Variants in CD44 observed in about 807,000 individuals in gnomAD.
CD44 encodes CD44 molecule (IN blood group).
A neutral mutation model predicts 88.8 loss-of-function variants in CD44; 49 were observed. That is an observed-to-expected ratio of 0.55 (90% CI 0.44 to 0.70). The LOEUF is 0.70. Among genes scored for constraint, CD44 ranks in the 30% least tolerant of loss-of-function variants. CD44 has a pLI of 0.00. For missense variants in CD44, 883 were observed against 913.8 expected (o/e 0.97, Z 0.43); for synonymous variants, 325 against 312.3 (o/e 1.04, Z -0.43).
chr11:35,168,680 C>G (rs1057310340), intron 1 of CD44, among the ~76,000 whole-genome samples: 1 of 152,214 alleles, frequency 6.6e-6, no homozygotes, highest in African/African-American at 2.4e-5. Context: ...ATCAGGCACA[C>G]CTGGGTGGCT....
At chr11:35,213,435 G>A (rs1948567721) in intron 14 of CD44, among the ~76,000 whole-genome samples, 1 of 152,204 alleles carries the variant, frequency 6.6e-6, no homozygotes, top group Non-Finnish European at 1.5e-5. Flanking sequence ...CGGATCACTT[G>A]AGGTCAGGAG....
intron 11 of CD44, among the ~76,000 whole-genome samples, chr11:35,206,840 C>T (rs762988362): frequency 1.3e-5 from 2 of 152,184 alleles, no homozygotes; most frequent in Non-Finnish European, 2.9e-5. Flanking sequence ...CAGGCAGACC[C>T]AGCACACATG....
chr11:35,203,799 T>G (rs956756222), intron 9 of CD44, among the ~76,000 whole-genome samples: 4 of 152,170 alleles, frequency 2.6e-5, no homozygotes, highest in Non-Finnish European at 5.9e-5. Flanking sequence ...TGGAATTATA[T>G]TCTCTTGATT....
Position 35,221,644 on chromosome 11 carries a change from C to A in CD44, c.1946-10C>A. On this transcript the variant is annotated splice_polypyrimidine_tract_variant and intron_variant, in intron 16 of 17. Coordinates refer to ENST00000428726, the MANE Select transcript of CD44 (RefSeq NM_000610.4). ...AAGCTCACGCATGTCATTTAATTTA[C>A]TCATACCAGAATGGCTGATCATCTT... The A allele has an allele frequency of 6.2e-7, 1 of 1,611,826 alleles. No individual in the cohort carries two copies. Among genetic ancestry groups the A allele is most frequent in the South Asian group, 1.1e-5 (1 of 91,044 alleles).
At chr11:35,222,669 T>C in intron 17 of CD44, 1 of 884,482 alleles carries the variant, frequency 1.1e-6, no homozygotes, top group Non-Finnish European at 1.4e-6. Flanking sequence ...GGAAATGACC[T>C]TTAACAGGGG....
At chr11:35,159,704 T>G (rs1942352503) in intron 1 of CD44, among the ~76,000 whole-genome samples, 1 of 152,224 alleles carries the variant, frequency 6.6e-6, no homozygotes, top group African/African-American at 2.4e-5. Flanking sequence ...AATGGCTGAA[T>G]TTCATCAGAG....
intron 11 of CD44, among the ~76,000 whole-genome samples, chr11:35,207,630 T>C (rs1482612817): frequency 1.3e-5 from 2 of 152,204 alleles, no homozygotes; most frequent in African/African-American, 4.8e-5. Flanking sequence ...ATGACGATTC[T>C]GTTTATTTGC....
At chr11:35,215,925 TAG>T (rs1948797091) in intron 15 of CD44, among the ~76,000 whole-genome samples, 1 of 149,816 alleles carries the variant, frequency 6.7e-6, no homozygotes, top group South Asian at 2.2e-4. Context: ...AGCAAATTCA[TAG>T]AGTTTATCTA....
chr11:35,167,871 G>T (rs890922703), intron 1 of CD44, among the ~76,000 whole-genome samples: 2 of 152,194 alleles, frequency 1.3e-5, no homozygotes, highest in South Asian at 2.1e-4. Context: ...TGTAGAGAGA[G>T]CATTCAGGCT....
At chr11:35,226,706 T>C (rs527663060) in intron 17 of CD44, among the ~76,000 whole-genome samples, 3 of 152,180 alleles carry the variant, frequency 2.0e-5, no homozygotes, top group East Asian at 1.9e-4. Flanking sequence ...ATTTATTTAG[T>C]GACAGTCTCT....
intron 4 of CD44, among the ~76,000 whole-genome samples, chr11:35,187,372 G>A (rs1317825126): frequency 6.6e-6 from 1 of 152,096 alleles, no homozygotes; most frequent in African/African-American, 2.4e-5. Context: ...GCAATGACTT[G>A]AAACTGCTCT....
At chr11:35,188,813 C>T (rs1054921430) in intron 4 of CD44, among the ~76,000 whole-genome samples, 2 of 152,012 alleles carry the variant, frequency 1.3e-5, no homozygotes, top group Admixed American at 1.3e-4. Flanking sequence ...TGGCATGCAC[C>T]TGTAGTCCCA....
At chr11:35,194,375 A>C (rs762830347) in intron 5 of CD44, among the ~76,000 whole-genome samples, 3 of 152,210 alleles carry the variant, frequency 2.0e-5, no homozygotes, top group Non-Finnish European at 2.9e-5. Context: ...GAAAGTAAAG[A>C]TTTGTAGAGG....
chr11:35,213,765 AGTGGGAGTATTGGT>A (rs376602008), intron 14 of CD44: 8,203 of 152,248 alleles, frequency 0.054, 335 homozygotes, highest in South Asian at 0.12. Context: ...TGATTTTGGT[AGTGGGAGTATTGGT>A]GTGGCATTTC....
At chr11:35,157,368 A>ATCG (rs1565025024) in intron 1 of CD44, among the ~76,000 whole-genome samples, 10 of 121,748 alleles carry the variant, frequency 8.2e-5, no homozygotes, top group African/African-American at 3.0e-5. Context: ...TCTATCTATC[A>ATCG]TCTGTCTGTA....
chr11:35,194,473 A>G (rs1260350833), intron 5 of CD44, among the ~76,000 whole-genome samples: 1 of 152,240 alleles, frequency 6.6e-6, no homozygotes, highest in East Asian at 1.9e-4. Context: ...GAGCAAAATA[A>G]CTAGATATGG....
At chr11:35,146,972 T>C (rs1249113822) in intron 1 of CD44, among the ~76,000 whole-genome samples, 2 of 152,204 alleles carry the variant, frequency 1.3e-5, no homozygotes, top group Non-Finnish European at 2.9e-5. Flanking sequence ...TTCATTCTGA[T>C]CTCTGAATAG....
intron 5 of CD44, 177 bp downstream of exon 5, chr11:35,190,242 A>G: frequency 4.9e-6 from 3 of 607,914 alleles, no homozygotes; most frequent in South Asian, 2.0e-5. Context: ...TGCATTGACT[A>G]CTACTGCCTA....
intron 1 of CD44, among the ~76,000 whole-genome samples, chr11:35,143,976 A>G (rs1858542131): frequency 6.6e-6 from 1 of 152,240 alleles, no homozygotes; most frequent in African/African-American, 2.4e-5. Flanking sequence ...TTTCACATGC[A>G]CAGACCCAGA....
Sources: gnomAD v4.1 joint callset for allele counts (sites outside exome capture counted in the v4.1 genomes callset) on GRCh38, gnomAD v4.1.1 for gene constraint, MANE v1.5 for transcripts, NCBI Gene and HGNC (gene_info 2026-07-23, HGNC 2026-07-21) for gene names.